The following TASOR variants were observed in gnomAD, a reference collection of about 807,000 sequenced individuals.
TASOR encodes the protein transcription activation suppressor.
Under a neutral mutation model 178.6 loss-of-function variants are expected in TASOR, and 53 were observed. The ratio of observed to expected loss-of-function variants is 0.30; its 90% confidence interval spans 0.24 to 0.37. The LOEUF (loss-of-function observed/expected upper bound fraction) is 0.37, where lower values mean the gene tolerates loss of function less well. Ranked by LOEUF, TASOR falls within the 10% of genes least tolerant of loss-of-function variation. The pLI is 1.00. For missense variants in TASOR, 1,815 were observed against 1,971.4 expected (o/e 0.92, Z 1.50); for synonymous variants, 713 against 696.2 (o/e 1.02, Z -0.38).
intron 17 of TASOR, among the ~76,000 whole-genome samples, chr3:56,636,824 T>C (rs2077027677): frequency 6.6e-6 from 1 of 152,164 alleles, no homozygotes; most frequent in African/African-American, 2.4e-5. Context: ...AATATAAAGA[T>C]GGTATTTCCA....
At chr3:56,660,206 TG>T (rs1378510747) in intron 11 of TASOR, among the ~76,000 whole-genome samples, 4 of 151,262 alleles carry the variant, frequency 2.6e-5, no homozygotes, top group African/African-American at 9.7e-5. Flanking sequence ...AGATATTCCA[TG>T]GGGGCTGGGC....
At chr3:56,658,935 T>C (rs1299481520) in intron 11 of TASOR, among the ~76,000 whole-genome samples, 1 of 129,782 alleles carries the variant, frequency 7.7e-6, no homozygotes, top group East Asian at 2.3e-4. Flanking sequence ...AGACAGAGAG[T>C]GAGAGAGAGA....
rs959926272 is a variant in TASOR at position 56,634,012 on chromosome 3, A to G, written c.2825-46T>C. 4.9e-6 allele frequency: 7 copies of G among 1,431,628 alleles called. No homozygotes were observed. In the East Asian group the frequency reaches 1.7e-4, roughly 36 times the overall value. 88.7% of individuals were successfully genotyped at this position (1,431,628 alleles called of 1,614,324 possible). A position where few individuals can be genotyped will look rare whatever the true frequency, so the allele number is the denominator to read the frequency against. On this transcript the variant is annotated intron_variant, in intron 17 of 23. Coordinates refer to ENST00000683822, the MANE Select transcript of TASOR (RefSeq NM_001365635.2). ...ATTATAAGAGCAATCCAAAAAGATA[A>G]GATATGAAAACACAAACCCTTAAAT...
intron 3 of TASOR, among the ~76,000 whole-genome samples, chr3:56,670,467 A>C (rs2030561706): frequency 6.6e-6 from 1 of 152,098 alleles, no homozygotes; most frequent in Non-Finnish European, 1.5e-5. Context: ...CAGCCTCCCA[A>C]GTAACTAGAA....
chr3:56,638,585 G>T, intron 17 of TASOR, 121 bp downstream of exon 17: 1 of 855,714 alleles, frequency 1.2e-6, no homozygotes, highest in Non-Finnish European at 1.9e-6. Flanking sequence ...ATATGGTACT[G>T]TCCAAATTTT....
intron 6 of TASOR, among the ~76,000 whole-genome samples, chr3:56,667,389 C>T (rs774346680): frequency 6.6e-6 from 1 of 151,946 alleles, no homozygotes; most frequent in Non-Finnish European, 1.5e-5. Flanking sequence ...TGGTGGCTCA[C>T]AGTTGTAATC....
chr3:56,654,862 A>C (rs1338065808), intron 11 of TASOR, among the ~76,000 whole-genome samples: 1 of 152,204 alleles, frequency 6.6e-6, no homozygotes, highest in Admixed American at 6.5e-5. Flanking sequence ...TTGCACCTGC[A>C]TACTCAGACT....
At chr3:56,654,403 T>TAGGGGGGGGGGGGGGGG (rs2077425758) in intron 11 of TASOR, among the ~76,000 whole-genome samples, 8 of 127,302 alleles carry the variant, frequency 6.3e-5, no homozygotes, top group African/African-American at 1.4e-4. Flanking sequence ...TGGGCGGGGT[T>TAGGGGGGGGGGGGGGGG]GGGGGGTGGT....
chr3:56,629,595 T>G (rs974809502), intron 18 of TASOR, among the ~76,000 whole-genome samples: 1 of 152,230 alleles, frequency 6.6e-6, no homozygotes, highest in Non-Finnish European at 1.5e-5. Context: ...TCTTCCTCCA[T>G]GCTGGTGAAC....
Position 56,621,453 on chromosome 3 carries a change from A to AAT in TASOR, c.*1582_*1583dup. 2 of 969,400 alleles carry AAT rather than the reference A, an allele frequency of 2.1e-6. No homozygotes were observed. Among genetic ancestry groups the AAT allele is most frequent in the South Asian group, 3.9e-5 (2 of 51,906 alleles). 60.0% of individuals were successfully genotyped at this position (969,400 alleles called of 1,614,324 possible). ...TCCTAAGCGATATGTTTTCCAAGTGAATATAATTCTAGTTTAACACAACAT... is the reference window on the plus strand; with the variant it reads ...TCCTAAGCGATATGTTTTCCAAGTGAATATATAATTCTAGTTTAACACAACAT... On this transcript the variant is annotated 3_prime_UTR_variant, in exon 24 of 24. Coordinates refer to ENST00000683822, the MANE Select transcript of TASOR (RefSeq NM_001365635.2).
intron 21 of TASOR, among the ~76,000 whole-genome samples, chr3:56,625,697 T>G: frequency 6.6e-6 from 1 of 152,180 alleles, no homozygotes; most frequent in East Asian, 1.9e-4. Context: ...TTTCTTTTTT[T>G]TTTTTGAGAC....
chr3:56,674,972 C>G (rs984490496), intron 1 of TASOR, among the ~76,000 whole-genome samples: 6 of 152,120 alleles, frequency 3.9e-5, no homozygotes, highest in African/African-American at 1.4e-4. Context: ...GCACCCACCA[C>G]CACACCCGGC....
chr3:56,629,991 A>G (rs1200077450), intron 18 of TASOR, among the ~76,000 whole-genome samples: 1 of 145,030 alleles, frequency 6.9e-6, no homozygotes, highest in Non-Finnish European at 1.5e-5. Context: ...TTTGAGATGG[A>G]GTCTCGCTCT....
chr3:56,666,430 T>C (rs1172088530), intron 6 of TASOR, 46 bp from the exon 7 acceptor site: 1 of 1,374,580 alleles, frequency 7.3e-7, no homozygotes, highest in African/African-American at 1.5e-5. Context: ...AAAGGCAAGG[T>C]GAAACCTTAT....
chr3:56,627,664 A>G lies in TASOR; in HGVS notation c.3948T>C (p.Asn1316=). ...ATACAAATAATTCATTGTATGTATG[A>G]TTTTTAACATCATCCAGGCTATCAA... ...AGVDSLDDVK[N]HTYNELFVSG... is the part of the protein sequence containing the mutation. Residue 1316 remains asparagine, a synonymous_variant, in exon 20 of 24, where the codon AAT becomes AAC. Transcript: ENST00000683822. 6.2e-7 allele frequency: 1 copy of G among 1,614,080 alleles called. No individual in the cohort carries two copies. The highest frequency in any genetic ancestry group is 8.5e-7 in the Non-Finnish European group (1 of 1,179,924).
At chr3:56,623,713 TAGTC>T (rs1260015915) in intron 23 of TASOR, 147 bp from the exon 24 acceptor site, 1 of 1,541,464 alleles carries the variant, frequency 6.5e-7, no homozygotes, top group Non-Finnish European at 8.7e-7. Context: ...CAAGTTCACT[TAGTC>T]ACAACACTCA....
intron 14 of TASOR, among the ~76,000 whole-genome samples, chr3:56,643,980 G>A (rs2077183613): frequency 6.6e-6 from 1 of 152,072 alleles, no homozygotes; most frequent in South Asian, 2.1e-4. Flanking sequence ...AATTATTGAT[G>A]AAGCCTGATT....
At chr3:56,658,314 C>A (rs2077515539) in intron 11 of TASOR, among the ~76,000 whole-genome samples, 2 of 152,120 alleles carry the variant, frequency 1.3e-5, no homozygotes, top group African/African-American at 4.8e-5. Context: ...AATACTTGGT[C>A]AGGTGAGGAA....
rs978999217 is a variant in TASOR at position 56,649,071 on chromosome 3, G to A, written c.1369-14C>T. 1.1e-5 allele frequency: 17 copies of A among 1,586,868 alleles called. No individual in the cohort carries two copies. The Admixed American group carries it at 2.6e-4, about 24-fold the overall frequency. On this transcript the variant is annotated splice_polypyrimidine_tract_variant and intron_variant, in intron 11 of 23. Transcript: ENST00000683822. ...TTTAACAAGAACCTGTATTTTGAGGGGAAGGAAGAAGTTGTATCTGCTTTA... is the reference window on the plus strand; with the variant it reads ...TTTAACAAGAACCTGTATTTTGAGGAGAAGGAAGAAGTTGTATCTGCTTTA...
Sources: allele counts gnomAD v4.1 joint callset (sites outside exome capture counted in the v4.1 genomes callset), GRCh38; gene constraint gnomAD v4.1.1; transcripts MANE v1.5; gene names NCBI Gene and HGNC (gene_info 2026-07-23, HGNC 2026-07-21).